CACNG4: variants seen among roughly 807,000 people sequenced by gnomAD.
CACNG4 encodes the protein calcium voltage-gated channel auxiliary subunit gamma 4, also known as voltage-dependent calcium channel gamma-4 subunit.
A neutral mutation model predicts 22.9 loss-of-function variants in CACNG4; 8 were observed. The observed-to-expected ratio is 0.35, with a 90% confidence interval of 0.21 to 0.63. The LOEUF (loss-of-function observed/expected upper bound fraction) is 0.63. Ranked by LOEUF, CACNG4 falls within the 30% of genes least tolerant of loss-of-function variation. The probability of loss-of-function intolerance (pLI) is 0.72; values close to 1 mark genes in which losing one functional copy is unlikely to be tolerated. For missense variants in CACNG4, 357 were observed against 455.4 expected, an observed-to-expected ratio of 0.78 and a Z score of 1.97; for synonymous variants, 188 against 191.9, an observed-to-expected ratio of 0.98 and a Z score of 0.17.
At position 66,964,924 on chromosome 17, in the gene CACNG4, G is replaced by T; in HGVS notation, c.13G>T (p.Asp5Tyr). The T allele has an allele frequency of 6.4e-7, 1 of 1,570,910 alleles. No individual in the cohort carries two copies. The highest frequency in any genetic ancestry group is 1.4e-5 in the African/African-American group (1 of 73,368). The change falls in exon 1 of 4, where the codon GAC (aspartate) becomes TAC (tyrosine). Residue 5 changes from aspartate to tyrosine, a missense_variant. By Grantham distance (160) the Asp-to-Tyr change is radical. Transcript: ENST00000262138. Reference protein sequence around the residue: MVRCDRGLQMLLTTA... With the variant: MVRCYRGLQMLLTTA... ...TGAGGCGCCCACCATGGTGCGATGC[G>T]ACCGCGGGCTGCAGATGCTGCTGAC... is the stretch of plus-strand genomic sequence containing the variant.
chr17:67,026,054 G>A (rs570195739), intron 3 of CACNG4, among the ~76,000 whole-genome samples: 84 of 152,030 alleles, frequency 5.5e-4, no homozygotes, highest in African/African-American at 2.0e-3. Context: ...GATTGTGTGT[G>A]TGGTGTATGT....
chr17:67,022,677 G>A (rs1018004499), intron 2 of CACNG4, among the ~76,000 whole-genome samples: 6 of 152,372 alleles, frequency 3.9e-5, no homozygotes, highest in Admixed American at 3.3e-4. Flanking sequence ...GGAGGGTGGC[G>A]CCTGCCAGTG....
chr17:67,028,089 G>C (rs190293626), intron 3 of CACNG4, among the ~76,000 whole-genome samples: 44 of 152,270 alleles, frequency 2.9e-4, no homozygotes, highest in African/African-American at 1.0e-3. Context: ...GGTTCTTACA[G>C]AACACAACAG....
At chr17:67,029,048 A>C (rs1395836901) in intron 3 of CACNG4, among the ~76,000 whole-genome samples, 1 of 152,198 alleles carries the variant, frequency 6.6e-6, no homozygotes, top group African/African-American at 2.4e-5. Context: ...AAATCCAAGT[A>C]AAGGCTGGGC....
In CACNG4 at chr17:67,017,498, C is replaced by CGTTGTT. The variant is rs34653846; in HGVS notation, c.221-669_221-664dup. Among the ~76,000 whole-genome samples the CGTTGTT allele has an allele frequency of 1.4e-3, 214 of 150,332 alleles. 1 individual carries two copies. Among genetic ancestry groups the CGTTGTT allele is most frequent in the East Asian group, 8.3e-3 (41 of 4,928 alleles). ...GTGCCCCATTCCCAGTGGGCAAATT[C>CGTTGTT]GTTGTTGTTGTTGTTGTTGTTGTTG... On this transcript the variant is annotated intron_variant, in intron 1 of 3. Coordinates refer to ENST00000262138, the MANE Select transcript of CACNG4 (RefSeq NM_014405.4).
chr17:66,984,105 G>C lies in CACNG4; in HGVS notation c.220+18974G>C, dbSNP rs546107523. Among the ~76,000 whole-genome samples, 11 of 152,332 alleles carry C rather than the reference G, an allele frequency of 7.2e-5. No homozygotes were observed. The highest frequency in any genetic ancestry group is 2.6e-4 in the African/African-American group (11 of 41,564). ...TAAAAATTAAAAATAGTAGCCAGCT[G>C]CAATGGCTTGAACCTGTAATCCTAG... On this transcript the variant is annotated intron_variant, in intron 1 of 3. Transcript: ENST00000262138. This position sits in a 1 kb window ranked among gnomAD's most constrained non-coding sequence, Gnocchi z 4.0.
chr17:66,981,752 AAAT>A (rs1250492917), intron 1 of CACNG4, among the ~76,000 whole-genome samples: 2 of 152,212 alleles, frequency 1.3e-5, no homozygotes, highest in Non-Finnish European at 2.9e-5. Flanking sequence ...ATAGTTTAAA[AAAT>A]AAGAGCAAAT....
intron 1 of CACNG4, among the ~76,000 whole-genome samples, chr17:67,012,086 A>G (rs919384216): frequency 6.6e-6 from 1 of 152,128 alleles, no homozygotes; most frequent in African/African-American, 2.4e-5. Flanking sequence ...GCTTCTATAG[A>G]GGATTCTTGG....
chr17:66,999,277 G>C (rs1025138261), intron 1 of CACNG4, among the ~76,000 whole-genome samples: 1 of 151,372 alleles, frequency 6.6e-6, no homozygotes, highest in Non-Finnish European at 1.5e-5. Context: ...CAGTAGAGTT[G>C]GTGGTGGTGG....
At chr17:67,002,905 C>T (rs1195294635) in intron 1 of CACNG4, among the ~76,000 whole-genome samples, 1 of 152,176 alleles carries the variant, frequency 6.6e-6, no homozygotes, top group Non-Finnish European at 1.5e-5. Context: ...AAAGCCAACA[C>T]TTATTAGTCC....
chr17:67,031,510 C>T lies in CACNG4; in HGVS notation c.*506C>T, dbSNP rs58736569. 4.2e-5 allele frequency: 19 copies of T among 457,172 alleles called. No homozygotes were observed. Among genetic ancestry groups the T allele is most frequent in the East Asian group, 1.4e-4 (2 of 14,406 alleles). 28.3% of individuals were successfully genotyped at this position (457,172 alleles called of 1,614,324 possible). A position where few individuals can be genotyped will look rare whatever the true frequency, so the allele number is the denominator to read the frequency against. ...GTCGTTGAGCCAGAAATCAGACCAC[C>T]GAAGCTCACTCCCTTCCTCTCCATC... On this transcript the variant is annotated 3_prime_UTR_variant, in exon 4 of 4. Coordinates refer to ENST00000262138, the MANE Select transcript of CACNG4 (RefSeq NM_014405.4). The surrounding 1 kb of genome is among the most constrained non-coding windows in gnomAD (Gnocchi z 4.0).
chr17:66,971,431 C>T (rs2035204077), intron 1 of CACNG4, among the ~76,000 whole-genome samples: 1 of 152,198 alleles, frequency 6.6e-6, no homozygotes, highest in South Asian at 2.1e-4. Flanking sequence ...TCTTCCAGCA[C>T]AGGCTCACTG....
chr17:66,983,592 A>G (rs1404509757), intron 1 of CACNG4, among the ~76,000 whole-genome samples: 2 of 152,162 alleles, frequency 1.3e-5, no homozygotes, highest in Non-Finnish European at 2.9e-5. Context: ...GCCAGGCCCC[A>G]GGTCTGACTC....
At position 66,971,114 on chromosome 17, in the gene CACNG4, G is replaced by A. The variant is rs151191860; in HGVS notation, c.220+5983G>A. Among the ~76,000 whole-genome samples, 165 of 152,310 alleles carry A rather than the reference G, an allele frequency of 1.1e-3. No individual in the cohort carries two copies. The East Asian group carries it at 0.031, about 29-fold the overall frequency. ...CCTCATCTGAAAATGGGGCCTGACT[G>A]TTCTGGAACACTCCTCCCACCTCTC... On this transcript the variant is annotated intron_variant, in intron 1 of 3. Transcript: ENST00000262138.
intron 1 of CACNG4, among the ~76,000 whole-genome samples, chr17:67,012,897 G>A (rs1047796120): frequency 2.0e-5 from 3 of 152,238 alleles, no homozygotes; most frequent in Non-Finnish European, 2.9e-5. Flanking sequence ...GTGAATGTGA[G>A]GATCAAATGA....
chr17:66,999,866 G>A (rs889502590), intron 1 of CACNG4, among the ~76,000 whole-genome samples: 8 of 152,204 alleles, frequency 5.3e-5, no homozygotes, highest in South Asian at 2.1e-4. Flanking sequence ...CTCCTTGTCC[G>A]GGCTGTCTGA....
At chr17:66,999,062 G>A (rs1567754695) in intron 1 of CACNG4, among the ~76,000 whole-genome samples, 1 of 152,262 alleles carries the variant, frequency 6.6e-6, no homozygotes, top group African/African-American at 2.4e-5. Flanking sequence ...TTGGGTTCTA[G>A]TCCCAGCCCT....
chr17:66,972,323 G>C (rs970176660), intron 1 of CACNG4, among the ~76,000 whole-genome samples: 1 of 152,302 alleles, frequency 6.6e-6, no homozygotes, highest in South Asian at 2.1e-4. Context: ...GAGCAGGGCA[G>C]GGTTTCTCAC....
chr17:66,978,140 G>A (rs1049841889), intron 1 of CACNG4, among the ~76,000 whole-genome samples: 1 of 152,192 alleles, frequency 6.6e-6, no homozygotes, highest in African/African-American at 2.4e-5. Flanking sequence ...ATCCCAGAGT[G>A]AGTCAGGGTT....
Sources: allele counts gnomAD v4.1 joint callset (sites outside exome capture counted in the v4.1 genomes callset), GRCh38; gene constraint gnomAD v4.1.1; non-coding constraint Gnocchi (gnomAD v3.1); transcripts MANE v1.5; gene names NCBI Gene and HGNC (gene_info 2026-07-23, HGNC 2026-07-21).